The following CDKL3 variants were observed in gnomAD, a reference collection of about 807,000 sequenced individuals.
The protein encoded by CDKL3 is cyclin-dependent kinase-like 3.
CDKL3 carries 65 observed loss-of-function variants against 69.3 expected under a neutral mutation model. The observed-to-expected ratio is 0.94, with a 90% CI of 0.77 to 1.15. The LOEUF is 1.15. Ranked by LOEUF, CDKL3 falls within the 50% of genes most tolerant of loss-of-function variation. The pLI is 0.00. For missense variants in CDKL3, 652 were observed against 689.2 expected (o/e 0.95, Z 0.61); for synonymous variants, 202 against 221.6 (o/e 0.91, Z 0.79).
At position 134,308,370 on chromosome 5, in the gene CDKL3, A is replaced by G. The variant is rs201772969; in HGVS notation, c.1132T>C (p.Tyr378His). The stretch of plus-strand genomic sequence containing the variant: ...TCCTGTTGACCAAGTCCACCTTCAT[A>G]CTCTTTCTTTTTTGGTTCTGAGATA... Reference protein sequence around the residue: ...GDISEPKKKEYEGGLGQQDAN... With the variant: ...GDISEPKKKEHEGGLGQQDAN... Residue 378 changes from tyrosine (Y) to histidine (H), a missense_variant, in exon 9 of 13, where the codon TAT (tyrosine) becomes CAT (histidine). Physicochemically the swap from Tyr to His is moderately conservative, Grantham distance 83 (BLOSUM62 2). Transcript: ENST00000265334. 1.6e-4 allele frequency: 253 copies of G among 1,613,298 alleles called. 1 individual carries two copies. The African/African-American group carries it at 3.1e-3, about 20-fold the overall frequency.
intron 4 of CDKL3, among the ~76,000 whole-genome samples, chr5:134,345,973 TAGAAGGG>T (rs1751763132): frequency 6.6e-6 from 1 of 152,142 alleles, no homozygotes. Context: ...TGAAGGAGAT[TAGAAGGG>T]TCTCAGAAAC....
At chr5:134,338,078 T>C (rs1365274262) in intron 4 of CDKL3, among the ~76,000 whole-genome samples, 2 of 152,202 alleles carry the variant, frequency 1.3e-5, no homozygotes, top group African/African-American at 4.8e-5. Context: ...TTATTGGGCC[T>C]ATAACATTAC....
intron 8 of CDKL3, among the ~76,000 whole-genome samples, chr5:134,290,180 C>T (rs1052241114): frequency 2.6e-5 from 4 of 151,684 alleles, no homozygotes; most frequent in Non-Finnish European, 5.9e-5. Flanking sequence ...ATGGTGAAAC[C>T]CCATCTCTAC....
chr5:134,324,955 C>T (rs957015227), intron 4 of CDKL3, among the ~76,000 whole-genome samples: 14 of 152,168 alleles, frequency 9.2e-5, no homozygotes, highest in Admixed American at 9.2e-4. Flanking sequence ...AAGGAAACTA[C>T]ACTTTCTGTT....
At chr5:134,306,265 C>T (rs1210826953) in intron 10 of CDKL3, among the ~76,000 whole-genome samples, 2 of 152,072 alleles carry the variant, frequency 1.3e-5, no homozygotes, top group Non-Finnish European at 2.9e-5. Flanking sequence ...GAAGCTGAGG[C>T]GGAAGGATCC....
intron 2 of CDKL3, among the ~76,000 whole-genome samples, chr5:134,363,957 T>TAAAAAA (rs1206131261): frequency 7.3e-5 from 7 of 96,432 alleles, no homozygotes; most frequent in African/African-American, 1.3e-4. Context: ...CTCCATTTCT[T>TAAAAAA]AAAAAAAAAA....
At chr5:134,370,555 G>A (rs543249644), upstream of CDKL3, among the ~76,000 whole-genome samples, 1 of 152,184 alleles carries the variant, frequency 6.6e-6, no homozygotes, top group Non-Finnish European at 1.5e-5. Context: ...AAAATACAAT[G>A]GTACTCCCCC....
At chr5:134,315,409 G>A (rs1464589184) in intron 6 of CDKL3, among the ~76,000 whole-genome samples, 1 of 152,094 alleles carries the variant, frequency 6.6e-6, no homozygotes, top group East Asian at 1.9e-4. Context: ...ATAAATCACT[G>A]CAGTCTCAAA....
upstream of CDKL3, among the ~76,000 whole-genome samples, chr5:134,368,852 A>G (rs761697597): frequency 5.9e-5 from 9 of 152,046 alleles, no homozygotes; most frequent in Admixed American, 2.6e-4. Flanking sequence ...AGCCTGGGCA[A>G]GAGGGCAAAA....
intron 4 of CDKL3, among the ~76,000 whole-genome samples, chr5:134,343,942 G>C (rs1751173231): frequency 6.6e-6 from 1 of 152,190 alleles, no homozygotes; most frequent in South Asian, 2.1e-4. Flanking sequence ...TTCCCGTCTT[G>C]ATGAATCGGC....
chr5:134,367,996 T>C (rs74921767), upstream of CDKL3, among the ~76,000 whole-genome samples: 1,481 of 152,310 alleles, frequency 9.7e-3, 13 homozygotes, highest in African/African-American at 0.032. Context: ...CTTTCTTCTA[T>C]AAAATGAGTT....
intron 4 of CDKL3, among the ~76,000 whole-genome samples, chr5:134,325,927 C>CTTTTTTT (rs10706943): frequency 1.1e-4 from 9 of 82,832 alleles, no homozygotes; most frequent in East Asian, 3.7e-4. Context: ...CCACGCCTGG[C>CTTTTTTT]TTTTTTTTTT....
At chr5:134,370,613 A>C (rs1219992106), upstream of CDKL3, among the ~76,000 whole-genome samples, 1 of 152,250 alleles carries the variant, frequency 6.6e-6, no homozygotes, top group Admixed American at 6.5e-5. Flanking sequence ...AATTGAAAGC[A>C]GACCCAGAAA....
At chr5:134,370,874 A>T (rs1270666334), upstream of CDKL3, 1 of 152,566 alleles carries the variant, frequency 6.6e-6, no homozygotes, top group African/African-American at 2.4e-5. Flanking sequence ...GTTTAAAGAA[A>T]ACAAAACAAG....
chr5:134,344,452 A>G (rs1344179719), intron 4 of CDKL3, among the ~76,000 whole-genome samples: 1 of 152,230 alleles, frequency 6.6e-6, no homozygotes, highest in Non-Finnish European at 1.5e-5. Flanking sequence ...AATAATAAAA[A>G]GACAACTCAT....
chr5:134,349,007 G>T (rs1752609285), intron 4 of CDKL3, among the ~76,000 whole-genome samples: 1 of 152,154 alleles, frequency 6.6e-6, no homozygotes, highest in South Asian at 2.1e-4. Context: ...GACCACCTGG[G>T]TTAGAATCCT....
intron 2 of CDKL3, among the ~76,000 whole-genome samples, chr5:134,365,932 A>G (rs1019823061): frequency 6.6e-6 from 1 of 152,042 alleles, no homozygotes; most frequent in Admixed American, 6.6e-5. Context: ...AACTTTCCCT[A>G]CCAGGGAAAG....
downstream of CDKL3, among the ~76,000 whole-genome samples, chr5:134,295,971 A>G (rs1580760099): frequency 6.6e-6 from 1 of 152,236 alleles, no homozygotes; most frequent in South Asian, 2.1e-4. Context: ...ATCTCAGATC[A>G]CTGCAACCTC....
chr5:134,329,933 C>T (rs2149517683), intron 4 of CDKL3, among the ~76,000 whole-genome samples: 1 of 151,412 alleles, frequency 6.6e-6, no homozygotes, highest in Non-Finnish European at 1.5e-5. Flanking sequence ...TTGCTTGAGT[C>T]TGGAAGGTGG....
Sources: gnomAD v4.1 joint callset for allele counts (sites outside exome capture counted in the v4.1 genomes callset) on GRCh38, gnomAD v4.1.1 for gene constraint, MANE v1.5 for transcripts, NCBI Gene and HGNC (gene_info 2026-07-23, HGNC 2026-07-21) for gene names.